Variants in CPHXL observed in about 807,000 individuals in gnomAD.
CPHXL encodes cytoplasmic polyadenylated homeobox-like protein.
At chr16:75,725,916 T>C (rs1362538633) in intron 1 of CPHXL, among the ~76,000 whole-genome samples, 2 of 151,872 alleles carry the variant, frequency 1.3e-5, no homozygotes, top group Non-Finnish European at 2.9e-5. Context: ...CTAAATTGGA[T>C]AAACACTTAA....
chr16:75,716,205 C>A (rs182319098), intron 2 of CPHXL, among the ~76,000 whole-genome samples: 4 of 152,128 alleles, frequency 2.6e-5, no homozygotes, highest in African/African-American at 9.7e-5. Flanking sequence ...TTCCACACAC[C>A]AGGCAAACAG....
At position 75,714,305 on chromosome 16, in the gene CPHXL, G is replaced by A. The variant is rs570058916; in HGVS notation, c.1137C>T (p.Ala379=). ...GCCCCAGAGGCAGAAGGGGTGAGTC[G>A]GCAGCTATTTGGAGAGACATGTGCT... ...QLQHMSLQIA[A]DSPLLPLGQD... Residue 379 remains alanine (A), a synonymous_variant, in exon 3 of 3, where the codon GCC becomes GCT. Coordinates refer to ENST00000640559, the MANE Select transcript of CPHXL (RefSeq NM_001355613.1). The A allele has an allele frequency of 1.1e-3, 424 of 398,570 alleles. No individual in the cohort carries two copies. The highest frequency in any genetic ancestry group is 1.5e-3 in the Non-Finnish European group (350 of 226,098). 24.7% of individuals were successfully genotyped at this position (398,570 alleles called of 1,614,324 possible).
chr16:75,715,772 C>A (rs1597219002), intron 2 of CPHXL, among the ~76,000 whole-genome samples: 1 of 151,996 alleles, frequency 6.6e-6, no homozygotes, highest in East Asian at 1.9e-4. Context: ...TCTCAGCTCA[C>A]TGCAACCTCC....
rs145171364 is a variant in CPHXL at position 75,726,118 on chromosome 16, GT to G, written c.25+299del. 1.0e-2 allele frequency among the ~76,000 whole-genome samples: 1,520 copies of G among 152,194 alleles called. 31 individuals are homozygous for G. Among genetic ancestry groups the G allele is most frequent in the African/African-American group, 0.031 (1,297 of 41,520 alleles). On this transcript the variant is annotated intron_variant, in intron 1 of 2. Transcript: ENST00000640559. ...AAGAACTGGTACTTTGTAATGGAAA[GT>G]AATACATCTTAATAAAATTCTACAG...
At chr16:75,721,987 C>G (rs1265581681) in intron 1 of CPHXL, among the ~76,000 whole-genome samples, 1 of 152,174 alleles carries the variant, frequency 6.6e-6, no homozygotes, top group Middle Eastern at 3.2e-3. Flanking sequence ...AACTGAACAA[C>G]CTGCTCCTGA....
At chr16:75,715,505 C>A (rs985084673) in intron 2 of CPHXL, among the ~76,000 whole-genome samples, 1 of 152,168 alleles carries the variant, frequency 6.6e-6, no homozygotes, top group Non-Finnish European at 1.5e-5. Context: ...GAATCTCTCC[C>A]CAACCTGTTT....
rs1189031887 is a variant in CPHXL, at chr16:75,714,419, C to T, written c.1023G>A (p.Trp341Ter). The T allele has an allele frequency of 2.5e-6, 1 of 398,556 alleles. No homozygotes were observed. The highest frequency in any genetic ancestry group is 4.4e-6 in the Non-Finnish European group (1 of 226,066). 24.7% of individuals were successfully genotyped at this position (398,556 alleles called of 1,614,324 possible). Residue 341 changes from tryptophan to a stop codon, truncating the protein, a stop_gained, in exon 3 of 3, where the codon TGG becomes TGA. Coordinates refer to ENST00000640559, the MANE Select transcript of CPHXL (RefSeq NM_001355613.1). LOFTEE classifies it low-confidence loss of function (END_TRUNC). ...QEQLPMDSGP[W>*]DLGKQWSSAQ... ...CCGAGGACCACTGCTTCCCTAGATC[C>T]CAAGGACCCGAGTCCATTGGGAGCT...
intron 1 of CPHXL, among the ~76,000 whole-genome samples, chr16:75,721,202 C>T (rs1280531965): frequency 2.0e-5 from 3 of 152,130 alleles, no homozygotes; most frequent in Non-Finnish European, 4.4e-5. Context: ...AACTAAGGGG[C>T]AAAATAACCA....
At chr16:75,716,925 T>A (rs979622919) in intron 2 of CPHXL, among the ~76,000 whole-genome samples, 2 of 152,244 alleles carry the variant, frequency 1.3e-5, no homozygotes, top group African/African-American at 4.8e-5. Flanking sequence ...TCCACTTGGA[T>A]GTTTATCTGA....
chr16:75,715,645 G>T (rs192427779), intron 2 of CPHXL, among the ~76,000 whole-genome samples: 1 of 151,798 alleles, frequency 6.6e-6, no homozygotes, highest in African/African-American at 2.4e-5. Context: ...ATACTCTCCC[G>T]CCAAGGAGAA....
chr16:75,723,474 C>T (rs1454065023), intron 1 of CPHXL, among the ~76,000 whole-genome samples: 3 of 152,234 alleles, frequency 2.0e-5, no homozygotes, highest in African/African-American at 7.2e-5. Context: ...AACAGAGAGC[C>T]AAATCATGAG....
chr16:75,725,938 A>T (rs890329843), intron 1 of CPHXL, among the ~76,000 whole-genome samples: 3 of 151,956 alleles, frequency 2.0e-5, no homozygotes, highest in African/African-American at 7.2e-5. Context: ...TGTACATATT[A>T]GAAAATTATA....
intron 1 of CPHXL, among the ~76,000 whole-genome samples, chr16:75,720,072 G>T (rs1432215109): frequency 6.6e-6 from 1 of 152,148 alleles, no homozygotes; most frequent in Admixed American, 6.5e-5. Flanking sequence ...CTAACAAACA[G>T]AAAGGACATC....
chr16:75,720,883 T>C (rs1440427666), intron 1 of CPHXL, among the ~76,000 whole-genome samples: 10 of 152,138 alleles, frequency 6.6e-5, no homozygotes, highest in East Asian at 3.9e-4. Context: ...AAGGGAAGCC[T>C]ATCAGACTAA....
At chr16:75,723,652 A>G (rs1959510217) in intron 1 of CPHXL, among the ~76,000 whole-genome samples, 1 of 152,246 alleles carries the variant, frequency 6.6e-6, no homozygotes, top group Non-Finnish European at 1.5e-5. Context: ...GGAAGAATCA[A>G]TATCATAAAA....
Position 75,714,722 on chromosome 16 carries a change from G to A in CPHXL, c.720C>T (p.Ala240=), listed in dbSNP as rs956054089. ...CAGAGTTGTAGCTGAGAAAATGATA[G>A]GCAGTAGAATGCCCACTTCCAGAAT... The part of the protein sequence containing the change: ...SGHSGSGHST[A]YHFLSYNSAE... Residue 240 remains alanine, a synonymous_variant, in exon 3 of 3, where the codon GCC becomes GCT. Transcript: ENST00000640559. The A allele has an allele frequency of 7.5e-6, 3 of 398,556 alleles. No homozygotes were observed. The highest frequency in any genetic ancestry group is 6.2e-5 in the African/African-American group (3 of 48,642). 24.7% of individuals were successfully genotyped at this position (398,556 alleles called of 1,614,324 possible). A position where few individuals can be genotyped will look rare whatever the true frequency, so the allele number is the denominator to read the frequency against.
intron 1 of CPHXL, among the ~76,000 whole-genome samples, chr16:75,720,160 G>C (rs2151839334): frequency 6.6e-6 from 1 of 152,276 alleles, no homozygotes; most frequent in South Asian, 2.1e-4. Context: ...GGAAAAAACA[G>C]AACAGAAAAA....
At chr16:75,717,756 C>T (rs567028735) in intron 2 of CPHXL, among the ~76,000 whole-genome samples, 14 of 152,098 alleles carry the variant, frequency 9.2e-5, no homozygotes, top group Non-Finnish European at 1.9e-4. Context: ...TTTAACTTTC[C>T]AAATATTTTT....
At chr16:75,719,757 G>C (rs768431048) in intron 1 of CPHXL, among the ~76,000 whole-genome samples, 1 of 152,010 alleles carries the variant, frequency 6.6e-6, no homozygotes, top group Admixed American at 6.6e-5. Flanking sequence ...AGAGAGTAGC[G>C]GTTCTCCCAG....
Sources: gnomAD v4.1 joint callset for allele counts (sites outside exome capture counted in the v4.1 genomes callset) on GRCh38, gnomAD v4.1.1 for gene constraint, MANE v1.5 for transcripts, NCBI Gene and HGNC (gene_info 2026-07-23, HGNC 2026-07-21) for gene names.